HLA-F: variants seen among roughly 807,000 people sequenced by gnomAD.
HLA-F encodes the protein HLA class I histocompatibility antigen, alpha chain F.
HLA-F carries 46 observed loss-of-function variants against 49.5 expected under a neutral mutation model. The ratio of observed to expected loss-of-function variants is 0.93; its 90% CI spans 0.73 to 1.19. The LOEUF (loss-of-function observed/expected upper bound fraction) is 1.19. HLA-F is among the 50% of genes most tolerant of loss of function. The probability of loss-of-function intolerance (pLI) is 0.00; values close to 1 mark genes in which losing one functional copy is unlikely to be tolerated. For synonymous variants in HLA-F, 203 were observed against 233.5 expected (o/e 0.87, Z 1.19); for missense variants, 496 against 579.6 (o/e 0.86, Z 1.48).
downstream of HLA-F, among the ~76,000 whole-genome samples, chr6:29,729,527 G>A (rs1320943650): frequency 6.6e-6 from 1 of 152,178 alleles, no homozygotes; most frequent in Non-Finnish European, 1.5e-5. Context: ...CAACTTAGGA[G>A]TTCAACCTAT....
downstream of HLA-F, chr6:29,729,473 T>C (rs1266709639): frequency 6.6e-6 from 1 of 152,210 alleles, no homozygotes; most frequent in Non-Finnish European, 1.5e-5. Flanking sequence ...CCTTACACCA[T>C]ATTCAAAAAT....
intron 3 of HLA-F, among the ~76,000 whole-genome samples, chr6:29,732,639 G>C (rs1052383881): frequency 9.2e-5 from 14 of 151,778 alleles, no homozygotes; most frequent in African/African-American, 3.1e-4. Context: ...GTACAGATGG[G>C]GTTTCACCAT....
chr6:29,727,349 A>G, downstream of HLA-F: 1 of 503,310 alleles, frequency 2.0e-6, no homozygotes, highest in Non-Finnish European at 3.4e-6. Context: ...ACATTTTTGT[A>G]CCTATTTTTT....
rs1157788219 is a variant in HLA-F at position 29,727,103 on chromosome 6, G to T, written c.1257G>T (p.Arg419Ser). The T allele has an allele frequency of 6.2e-7, 1 of 1,611,962 alleles. No individual in the cohort carries two copies. Among genetic ancestry groups the T allele is most frequent in the East Asian group, 2.2e-5 (1 of 44,882 alleles). ...LQSLRFGFGF[R>S]RGRSFLLRSW... ...GCCTTCGCTTTGGCTTCGGCTTTAG[G>T]AGGGGCAGGAGCTTCCTTCTTCGTT... The change falls in exon 7 of 7, where the codon AGG (arginine) becomes AGT (serine). Residue 419 changes from arginine (R) to serine (S), a missense_variant. Coordinates refer to ENST00000259951, the MANE Select transcript of HLA-F (RefSeq NM_001098479.2).
At chr6:29,729,968 T>C (rs1776429018), downstream of HLA-F, among the ~76,000 whole-genome samples, 1 of 152,072 alleles carries the variant, frequency 6.6e-6, no homozygotes. Flanking sequence ...CTGGTGAGAG[T>C]GTACAGTGGT....
intron 6 of HLA-F, 179 bp downstream of exon 6, chr6:29,726,222 T>G: frequency 1.1e-6 from 1 of 933,346 alleles, no homozygotes; most frequent in Non-Finnish European, 1.8e-6. Context: ...TCACAGCTAA[T>G]AAAGGTGACA....
chr6:29,734,932 A>G (rs2248927), intron 3 of HLA-F: 85,071 of 151,894 alleles, frequency 0.56, 24,029 homozygotes, highest in East Asian at 0.72. Context: ...ATCCTTTTGT[A>G]GCTGATTTCC....
At chr6:29,733,919 G>A (rs1220198444) in intron 3 of HLA-F, among the ~76,000 whole-genome samples, 1 of 152,094 alleles carries the variant, frequency 6.6e-6, no homozygotes, top group South Asian at 2.1e-4. Context: ...CTAAGACAGC[G>A]AGATGGATTT....
At chr6:29,734,247 TGTTA>T (rs537836915) in intron 3 of HLA-F, among the ~76,000 whole-genome samples, 17 of 152,296 alleles carry the variant, frequency 1.1e-4, no homozygotes, top group Middle Eastern at 3.4e-3. Flanking sequence ...CTAGAGCTAT[TGTTA>T]GTTCCTCTGC....
At position 29,725,103 on chromosome 6, in the gene HLA-F, G is replaced by A. The variant is rs1046917749; in HGVS notation, c.683G>A (p.Gly228Asp). The change falls in exon 4 of 7, where the codon GGC becomes GAC. Residue 228 changes from glycine to aspartate, a missense_variant. Coordinates refer to ENST00000259951, the MANE Select transcript of HLA-F (RefSeq NM_001098479.2). ...HEATLRCWALGFYPAEITLTW... is the reference protein window; with the variant it reads ...HEATLRCWALDFYPAEITLTW... Reference sequence around the variant, plus strand: ...GCCACCCTGAGGTGCTGGGCCCTGGGCTTCTACCCTGCGGAGATCACGCTG... The same window carrying A: ...GCCACCCTGAGGTGCTGGGCCCTGGACTTCTACCCTGCGGAGATCACGCTG... The A allele has an allele frequency of 6.2e-7, 1 of 1,613,458 alleles. No homozygotes were observed. The highest frequency in any genetic ancestry group is 1.3e-5 in the African/African-American group (1 of 74,760).
intron 3 of HLA-F, among the ~76,000 whole-genome samples, chr6:29,733,241 C>T (rs557403778): frequency 2.0e-5 from 3 of 152,194 alleles, no homozygotes; most frequent in African/African-American, 7.2e-5. Flanking sequence ...TGGAAATCAG[C>T]ACCACGCAAA....
rs374197706 is a variant in HLA-F at position 29,725,272 on chromosome 6, C to G, written c.852C>G (p.His284Gln). 4 of 1,614,014 alleles carry G rather than the reference C, an allele frequency of 2.5e-6. No individual in the cohort carries two copies. In the South Asian group the frequency reaches 4.4e-5, roughly 18 times the overall value. ...AGAGATACACATGCCATGTGCAGCA[C>G]GAGGGGCTGCCCCAGCCCCTCATCC... ...EEQRYTCHVQHEGLPQPLILR... is the reference protein window; with the variant it reads ...EEQRYTCHVQQEGLPQPLILR... The change falls in exon 4 of 7, where the codon CAC becomes CAG. Residue 284 changes from histidine to glutamine, a missense_variant. By Grantham distance (24) the His-to-Gln change is conservative. Coordinates refer to ENST00000259951, the MANE Select transcript of HLA-F (RefSeq NM_001098479.2).
intron 3 of HLA-F, among the ~76,000 whole-genome samples, chr6:29,724,698 C>T (rs911138370): frequency 7.2e-6 from 1 of 139,160 alleles, no homozygotes; most frequent in African/African-American, 2.8e-5. Context: ...AATACCGATC[C>T]GCGGTCCCCT....
At position 29,723,649 on chromosome 6, in the gene HLA-F, C is replaced by T. The variant is rs1040621783; in HGVS notation, c.65-9C>T. ...GGTCTGGCGGGTCTCAGCCCCTCCT[C>T]GCCCCCAGGCTCCCACTCCTTGAGG... is the stretch of plus-strand genomic sequence containing the variant. On this transcript the variant is annotated splice_polypyrimidine_tract_variant and intron_variant, in intron 1 of 6. Transcript: ENST00000259951. 21 of 1,606,274 alleles carry T rather than the reference C, an allele frequency of 1.3e-5. No individual in the cohort carries two copies. Among genetic ancestry groups the T allele is most frequent in the Middle Eastern group, 1.9e-4 (1 of 5,404 alleles).
chr6:29,727,813 C>T (rs1038923578), downstream of HLA-F: 6 of 403,388 alleles, frequency 1.5e-5, no homozygotes, highest in East Asian at 1.8e-4. Flanking sequence ...CCATTCCTCA[C>T]GAGCTTTAGT....
intron 6 of HLA-F, chr6:29,726,270 G>A (rs1354502140): frequency 1.9e-6 from 2 of 1,044,590 alleles, no homozygotes; most frequent in African/African-American, 1.6e-5. Flanking sequence ...GGGGTGTTGG[G>A]GGGGAACAGA....
At chr6:29,725,611 G>T (rs759407231) in intron 5 of HLA-F, 48 bp downstream of exon 5, 7 of 1,509,702 alleles carry the variant, frequency 4.6e-6, no homozygotes, top group Non-Finnish European at 6.4e-6. Flanking sequence ...TCCCACTGGG[G>T]GTTGCAAGCC....
downstream of HLA-F, chr6:29,729,028 A>T (rs1255116331): frequency 6.6e-6 from 1 of 152,144 alleles, no homozygotes; most frequent in Non-Finnish European, 1.5e-5. Context: ...GAGAATTTGA[A>T]CTTGTTTCTG....
intron 3 of HLA-F, among the ~76,000 whole-genome samples, chr6:29,736,999 T>C (rs868325626): frequency 6.6e-6 from 1 of 152,166 alleles, no homozygotes; most frequent in South Asian, 2.1e-4. Context: ...AAGTTTCTAC[T>C]GAATAGATAA....
Sources: allele counts gnomAD v4.1 joint callset (sites outside exome capture counted in the v4.1 genomes callset), GRCh38; gene constraint gnomAD v4.1.1; transcripts MANE v1.5; gene names NCBI Gene and HGNC (gene_info 2026-07-23, HGNC 2026-07-21).